TGS1: variants seen among roughly 807,000 people sequenced by gnomAD.
The protein encoded by TGS1 is trimethylguanosine synthase.
A neutral mutation model predicts 92.2 loss-of-function variants in TGS1; 69 were observed. That is an observed-to-expected ratio of 0.75 (90% CI 0.62 to 0.91). The LOEUF (loss-of-function observed/expected upper bound fraction) is 0.91. Ranked by LOEUF, TGS1 falls within the 40% of genes least tolerant of loss-of-function variation. The probability of loss-of-function intolerance (pLI) is 0.00; values close to 1 mark genes in which losing one functional copy is unlikely to be tolerated. For missense variants in TGS1, 1,062 were observed against 1,001.2 expected (o/e 1.06, Z -0.82); for synonymous variants, 345 against 338.1 (o/e 1.02, Z -0.22).
chr8:55,782,133 A>C lies in TGS1; in HGVS notation c.102-615A>C, dbSNP rs1391162439. Among the ~76,000 whole-genome samples the C allele has an allele frequency of 2.6e-5, 4 of 151,312 alleles. No homozygotes were observed. The East Asian group carries it at 7.7e-4, about 29-fold the overall frequency. ...GTATCATAAGGAATATCAGATGTCC[A>C]GAAGAACTTACACTTTATTTATTTA... On this transcript the variant is annotated intron_variant, in intron 1 of 12. Transcript: ENST00000260129.
Position 55,790,220 on chromosome 8 carries a change from A to G in TGS1, c.1201A>G (p.Arg401Gly), listed in dbSNP as rs1811837620. 1 of 1,614,120 alleles carries G rather than the reference A, an allele frequency of 6.2e-7. No individual in the cohort carries two copies. Among genetic ancestry groups the G allele is most frequent in the South Asian group, 1.1e-5 (1 of 91,082 alleles). Residue 401 changes from arginine to glycine, a missense_variant, in exon 5 of 13, where the codon AGA (arginine) becomes GGA (glycine). Physicochemically the swap from Arg to Gly is moderately radical, Grantham distance 125 (BLOSUM62 -2). Coordinates refer to ENST00000260129, the MANE Select transcript of TGS1 (RefSeq NM_024831.8). The stretch of plus-strand genomic sequence containing the variant: ...TTCAGGAGCAAACACAAGCAAAGAC[A>G]GACCACATGCCAGTGGTACTGATGG... ...KSSGANTSKD[R>G]PHASGTDGDE...
intron 10 of TGS1, among the ~76,000 whole-genome samples, chr8:55,806,474 T>A (rs1812377459): frequency 6.6e-6 from 1 of 152,020 alleles, no homozygotes; most frequent in African/African-American, 2.4e-5. Flanking sequence ...TCTCTGTTTC[T>A]TTATTTTAGT....
At chr8:55,808,514 T>C (rs1468436917) in intron 10 of TGS1, among the ~76,000 whole-genome samples, 1 of 146,522 alleles carries the variant, frequency 6.8e-6, no homozygotes, top group Non-Finnish European at 1.5e-5. Flanking sequence ...TTTTTTTCTT[T>C]TTTTTTTTTT....
chr8:55,808,188 C>T (rs977310129), intron 10 of TGS1, among the ~76,000 whole-genome samples: 1 of 152,182 alleles, frequency 6.6e-6, no homozygotes, highest in Non-Finnish European at 1.5e-5. Flanking sequence ...TTTACATGGT[C>T]TCCTGATAGC....
chr8:55,782,779 G>A lies in TGS1; in HGVS notation c.133G>A (p.Gly45Ser). The part of the protein sequence containing the change: ...DRKLYNLGLK[G>S]YYIRDSGNNS... ...AAAATTGTACAATTTGGGATTAAAA[G>A]GCTATTACATCAGAGACAGTGGCAA... The change falls in exon 2 of 13, where the codon GGC becomes AGC. Residue 45 changes from glycine (G) to serine (S), a missense_variant. Physicochemically the swap from Gly to Ser is moderately conservative, Grantham distance 56. Coordinates refer to ENST00000260129, the MANE Select transcript of TGS1 (RefSeq NM_024831.8). 6.2e-7 allele frequency: 1 copy of A among 1,610,808 alleles called. No individual in the cohort carries two copies. The highest frequency in any genetic ancestry group is 1.1e-5 in the South Asian group (1 of 90,070).
chr8:55,824,716 G>T lies in TGS1; in HGVS notation c.*13G>T. On this transcript the variant is annotated 3_prime_UTR_variant, in exon 13 of 13. Transcript: ENST00000260129. Reference sequence around the variant, plus strand: ...CTCTGAAACCTAACTATGCAGCAGTGCGAGGACAAAAGATCATGGAGTGGT... The same window carrying T: ...CTCTGAAACCTAACTATGCAGCAGTTCGAGGACAAAAGATCATGGAGTGGT... 1 of 1,613,924 alleles carries T rather than the reference G, an allele frequency of 6.2e-7. No homozygotes were observed. The highest frequency in any genetic ancestry group is 8.5e-7 in the Non-Finnish European group (1 of 1,179,918).
intron 7 of TGS1, among the ~76,000 whole-genome samples, chr8:55,797,604 A>G (rs1199825565): frequency 1.3e-5 from 2 of 152,206 alleles, no homozygotes; most frequent in Admixed American, 6.5e-5. Context: ...TACCTGAAAT[A>G]TTCATATATT....
At chr8:55,815,655 A>G (rs1803607088) in intron 12 of TGS1, among the ~76,000 whole-genome samples, 1 of 152,182 alleles carries the variant, frequency 6.6e-6, no homozygotes, top group South Asian at 2.1e-4. Context: ...CCTAAACAGC[A>G]TGGATTCAAT....
chr8:55,797,253 C>T (rs1812084302), intron 7 of TGS1, among the ~76,000 whole-genome samples: 1 of 152,032 alleles, frequency 6.6e-6, no homozygotes, highest in Non-Finnish European at 1.5e-5. Flanking sequence ...AAATGAGTGC[C>T]CAGCAAAGGG....
intron 10 of TGS1, 36 bp downstream of exon 10, chr8:55,805,072 T>G (rs1335561658): frequency 1.3e-6 from 2 of 1,588,020 alleles, no homozygotes; most frequent in Non-Finnish European, 1.7e-6. Flanking sequence ...CTATTTTATG[T>G]CCAGTTAATT....
rs111871566 is a variant in TGS1, at chr8:55,787,302, A to G, written c.1162+242A>G. Among the ~76,000 whole-genome samples the G allele has an allele frequency of 5.9e-3, 892 of 152,344 alleles. 5 individuals carry two copies. Among genetic ancestry groups the G allele is most frequent in the African/African-American group, 0.02 (837 of 41,572 alleles). On this transcript the variant is annotated intron_variant, in intron 4 of 12. Coordinates refer to ENST00000260129, the MANE Select transcript of TGS1 (RefSeq NM_024831.8). ...CTTGTACTTTGGTGGCTAATGAAGG[A>G]AAATGTGGAATCTCTTGAGAAATCT...
Position 55,824,525 on chromosome 8 carries a change from G to A in TGS1, c.2440-56G>A, listed in dbSNP as rs571850305. The A allele has an allele frequency of 1.1e-5, 18 of 1,605,462 alleles. No homozygotes were observed. The East Asian group carries it at 4.0e-4, about 36-fold the overall frequency. On this transcript the variant is annotated intron_variant, in intron 12 of 12. Coordinates refer to ENST00000260129, the MANE Select transcript of TGS1 (RefSeq NM_024831.8). ...ATTTGATAAAGCAGTACAAGTGAAA[G>A]ACTTTTGAAATTATGCTTAGGTGTG...
At chr8:55,807,199 A>G (rs768294484) in intron 10 of TGS1, among the ~76,000 whole-genome samples, 20 of 152,294 alleles carry the variant, frequency 1.3e-4, no homozygotes, top group Non-Finnish European at 2.5e-4. Context: ...AAGTGCTGGG[A>G]TTACAGGCGT....
chr8:55,816,923 C>T (rs1563470841), intron 12 of TGS1, among the ~76,000 whole-genome samples: 2 of 150,950 alleles, frequency 1.3e-5, no homozygotes, highest in Non-Finnish European at 2.9e-5. Flanking sequence ...TGCAGTGGTG[C>T]GATCTCGGCT....
Position 55,785,756 on chromosome 8 carries a change from C to A in TGS1, c.204C>A (p.Ser68=), listed in dbSNP as rs750807302. The part of the protein sequence containing the change: ...QATEEEEGGY[S]CGTAESHDSK... ...CAGAAGAAGAGGAAGGTGGTTATTC[C>A]TGTGGTACTGCAGAATCACATGACA... is the stretch of plus-strand genomic sequence containing the variant. The change falls in exon 3 of 13, where the codon TCC becomes TCA. Residue 68 remains serine, a synonymous_variant. Coordinates refer to ENST00000260129, the MANE Select transcript of TGS1 (RefSeq NM_024831.8). The A allele has an allele frequency of 3.1e-6, 5 of 1,612,446 alleles. No homozygotes were observed. The highest frequency in any genetic ancestry group is 4.2e-6 in the Non-Finnish European group (5 of 1,179,392).
intron 9 of TGS1, among the ~76,000 whole-genome samples, chr8:55,803,128 GGGGTGTGTGT>G (rs903289827): frequency 2.8e-5 from 4 of 144,152 alleles, no homozygotes; most frequent in African/African-American, 7.8e-5. Flanking sequence ...TCAATTTGGG[GGGGTGTGTGT>G]GTGTGTGTGT....
intron 1 of TGS1, 21 bp downstream of exon 1, chr8:55,773,740 C>G (rs1360041495): frequency 6.3e-7 from 1 of 1,575,942 alleles, no homozygotes; most frequent in East Asian, 2.3e-5. Flanking sequence ...AAGAGAATCT[C>G]TTCATGTTCT....
intron 1 of TGS1, among the ~76,000 whole-genome samples, chr8:55,776,400 C>T (rs570050168): frequency 5.9e-5 from 9 of 151,904 alleles, no homozygotes; most frequent in African/African-American, 2.2e-4. Flanking sequence ...CCTGCCTCAG[C>T]CCACCAAGTA....
At chr8:55,784,331 A>C (rs1464086895) in intron 2 of TGS1, among the ~76,000 whole-genome samples, 3 of 152,172 alleles carry the variant, frequency 2.0e-5, no homozygotes, top group Non-Finnish European at 4.4e-5. Context: ...GCTTGAAAAA[A>C]ATCTTCCAGT....
Sources: allele counts gnomAD v4.1 joint callset (sites outside exome capture counted in the v4.1 genomes callset), GRCh38; gene constraint gnomAD v4.1.1; transcripts MANE v1.5; gene names NCBI Gene and HGNC (gene_info 2026-07-23, HGNC 2026-07-21).